Variants in CFHR2 observed in about 807,000 individuals in gnomAD.
The protein encoded by CFHR2 is complement factor H related 2.
Under a neutral mutation model 21.7 loss-of-function variants are expected in CFHR2, and 22 were observed. The ratio of observed to expected loss-of-function variants is 1.01; its 90% CI spans 0.72 to 1.45. CFHR2 has a LOEUF of 1.45. CFHR2 is among the 40% of genes most tolerant of loss of function. CFHR2 has a pLI of 0.00. For missense variants in CFHR2, 294 were observed against 293.3 expected, an observed-to-expected ratio of 1.00 and a Z score of -0.02; for synonymous variants, 98 against 97.4, an observed-to-expected ratio of 1.01 and a Z score of -0.04.
intron 3 of CFHR2, among the ~76,000 whole-genome samples, chr1:196,955,731 C>T (rs888542403): frequency 1.9e-4 from 29 of 151,978 alleles, no homozygotes; most frequent in African/African-American, 3.1e-4. Flanking sequence ...CCTGTAATCT[C>T]GGCTATTTGG....
intron 1 of CFHR2, among the ~76,000 whole-genome samples, chr1:196,948,666 T>A (rs1365910578): frequency 6.6e-6 from 1 of 152,210 alleles, no homozygotes; most frequent in African/African-American, 2.4e-5. Flanking sequence ...GTATTTTTAA[T>A]TGCATTATTT....
At chr1:196,952,651 T>C (rs1652657319) in intron 3 of CFHR2, among the ~76,000 whole-genome samples, 1 of 152,326 alleles carries the variant, frequency 6.6e-6, no homozygotes, top group African/African-American at 2.4e-5. Context: ...TAAGACTTTG[T>C]TAGGCTTTGA....
Position 196,958,793 on chromosome 1 carries a change from C to T in CFHR2, c.614-88C>T, listed in dbSNP as rs1179273677. 5.1e-6 allele frequency: 4 copies of T among 789,792 alleles called. No homozygotes were observed. In the African/African-American group the frequency reaches 7.0e-5, roughly 14 times the overall value. The allele number at this position is 789,792 out of a possible 1,614,324, so 48.9% of individuals were successfully genotyped here. On this transcript the variant is annotated intron_variant, in intron 4 of 4. Coordinates refer to ENST00000367415, the MANE Select transcript of CFHR2 (RefSeq NM_005666.4). ...AGGATTTTGAGAAGTAATTCCTCAA[C>T]CATCATATAACATTCTACTTGAAAA...
chr1:196,949,541 G>A lies in CFHR2; in HGVS notation c.145G>A (p.Glu49Lys), dbSNP rs1420958359. 1.9e-6 allele frequency: 3 copies of A among 1,613,982 alleles called. No individual in the cohort carries two copies. The highest frequency in any genetic ancestry group is 1.1e-5 in the South Asian group (1 of 91,084). Reference protein sequence around the residue: ...YKPFSQVPTGEVFYYSCEYNF... With the variant: ...YKPFSQVPTGKVFYYSCEYNF... ...GCCATTTTCCCAAGTTCCTACAGGG[G>A]AAGTTTTCTATTACTCCTGTGAATA... The change falls in exon 2 of 5, where the codon GAA (glutamate) becomes AAA (lysine). Residue 49 changes from glutamate to lysine, a missense_variant. Transcript: ENST00000367415.
chr1:196,951,368 C>T (rs1340390479), intron 3 of CFHR2, among the ~76,000 whole-genome samples: 4 of 152,030 alleles, frequency 2.6e-5, no homozygotes, highest in African/African-American at 9.7e-5. Context: ...AAAATAAGTC[C>T]AATTCTAGTT....
At chr1:196,951,150 A>T (rs566009778) in intron 3 of CFHR2, 122 bp downstream of exon 3, 1 of 1,203,528 alleles carries the variant, frequency 8.3e-7, no homozygotes, top group East Asian at 2.6e-5. Flanking sequence ...ATCATTATTC[A>T]TTTGATTCTC....
intron 3 of CFHR2, among the ~76,000 whole-genome samples, chr1:196,953,982 A>C (rs981858227): frequency 1.3e-5 from 2 of 152,258 alleles, no homozygotes; most frequent in Non-Finnish European, 2.9e-5. Context: ...ATTCATATAC[A>C]TAACTATTTC....
At chr1:196,953,604 A>G (rs1217632791) in intron 3 of CFHR2, among the ~76,000 whole-genome samples, 3 of 152,190 alleles carry the variant, frequency 2.0e-5, no homozygotes, top group Admixed American at 6.5e-5. Flanking sequence ...TTTCAATGGC[A>G]TTTTGTTTTT....
rs1208547699 is a variant in CFHR2, at chr1:196,950,883, T to G, written c.285T>G (p.Gly95=). 8 of 1,613,706 alleles carry G rather than the reference T, an allele frequency of 5.0e-6. No individual in the cohort carries two copies. Among genetic ancestry groups the G allele is most frequent in the Non-Finnish European group, 6.8e-6 (8 of 1,179,914 alleles). The change falls in exon 3 of 5, where the codon GGT becomes GGG. Residue 95 remains glycine, a synonymous_variant. Coordinates refer to ENST00000367415, the MANE Select transcript of CFHR2 (RefSeq NM_005666.4). ...GTTTCTTTCCTTTTGTGGAAAATGG[T>G]CATTCTGAATCTTCAGGACAAACAC... ...RLCFFPFVEN[G]HSESSGQTHL...
intron 1 of CFHR2, among the ~76,000 whole-genome samples, chr1:196,949,238 T>C (rs1255284635): frequency 2.6e-5 from 4 of 152,214 alleles, no homozygotes; most frequent in Non-Finnish European, 5.9e-5. Context: ...CTCCAAAATA[T>C]AGATTTTATA....
chr1:196,948,539 G>A (rs1659604522), intron 1 of CFHR2, among the ~76,000 whole-genome samples: 1 of 152,080 alleles, frequency 6.6e-6, no homozygotes, highest in Admixed American at 6.6e-5. Flanking sequence ...GCCTCCCAAA[G>A]TGCTGGGATT....
chr1:196,956,700 A>G (rs1652895710), intron 3 of CFHR2, among the ~76,000 whole-genome samples: 1 of 151,930 alleles, frequency 6.6e-6, no homozygotes, highest in African/African-American at 2.4e-5. Flanking sequence ...TTCCTATTGG[A>G]TTTTTTAAAG....
At chr1:196,950,782 A>C in intron 2 of CFHR2, 70 bp from the exon 3 acceptor site, 1 of 1,553,008 alleles carries the variant, frequency 6.4e-7, no homozygotes, top group Non-Finnish European at 8.9e-7. Context: ...TTATTAAAAT[A>C]TTTTAAAATG....
At chr1:196,956,693 C>T (rs1652895116) in intron 3 of CFHR2, among the ~76,000 whole-genome samples, 2 of 151,900 alleles carry the variant, frequency 1.3e-5, no homozygotes, top group Non-Finnish European at 2.9e-5. Context: ...TTTATAATTC[C>T]TATTGGATTT....
Position 196,953,243 on chromosome 1 carries a change from A to ATTATTTAT in CFHR2, c.430+2239_430+2246dup, listed in dbSNP as rs138646935. 8.9e-3 allele frequency among the ~76,000 whole-genome samples: 1,338 copies of ATTATTTAT among 150,226 alleles called. 15 individuals carry two copies. The highest frequency in any genetic ancestry group is 0.02 in the East Asian group (100 of 5,002). The stretch of plus-strand genomic sequence containing the variant: ...GCTGGGAAACCCTACATCAGCCAAG[A>ATTATTTAT]TTATTTATTTATTTATTTATTTATT... On this transcript the variant is annotated intron_variant, in intron 3 of 4. Coordinates refer to ENST00000367415, the MANE Select transcript of CFHR2 (RefSeq NM_005666.4).
chr1:196,949,472 C>G lies in CFHR2; in HGVS notation c.76C>G (p.Pro26Ala). 1 of 1,612,794 alleles carries G rather than the reference C, an allele frequency of 6.2e-7. No individual in the cohort carries two copies. The highest frequency in any genetic ancestry group is 1.7e-4 in the Middle Eastern group (1 of 6,058). The change falls in exon 2 of 5, where the codon CCA becomes GCA. Residue 26 changes from proline to alanine, a missense_variant. Transcript: ENST00000367415. ...TTTCCCAGCAATGTTCTGTGATTTT[C>G]CAAAAATAAACCATGGAATTCTATA... Reference protein sequence around the residue: ...VGGEAMFCDFPKINHGILYDE... With the variant: ...VGGEAMFCDFAKINHGILYDE...
Position 196,959,233 on chromosome 1 carries a change from A to T in CFHR2, c.*153A>T. 1.6e-6 allele frequency: 1 copy of T among 606,954 alleles called. No homozygotes were observed. Among genetic ancestry groups the T allele is most frequent in the South Asian group, 2.2e-5 (1 of 44,752 alleles). The allele number at this position is 606,954 out of a possible 1,614,324, so 37.6% of individuals were successfully genotyped here. On this transcript the variant is annotated 3_prime_UTR_variant, in exon 5 of 5. Coordinates refer to ENST00000367415, the MANE Select transcript of CFHR2 (RefSeq NM_005666.4). The stretch of plus-strand genomic sequence containing the variant: ...TGTGAAAATGCAATTACAATCTGAG[A>T]TGTGTCACAATGGTGAGGACTATCT...
chr1:196,951,865 C>T (rs1558269591), intron 3 of CFHR2, among the ~76,000 whole-genome samples: 1 of 152,106 alleles, frequency 6.6e-6, no homozygotes, highest in Non-Finnish European at 1.5e-5. Context: ...AAAGGCCTGT[C>T]AGCAAACAGA....
intron 3 of CFHR2, among the ~76,000 whole-genome samples, chr1:196,951,789 A>G (rs1316058998): frequency 6.6e-6 from 1 of 152,120 alleles, no homozygotes; most frequent in African/African-American, 2.4e-5. Flanking sequence ...GACTGACATT[A>G]TTAGTCTCAA....
Sources: allele counts gnomAD v4.1 joint callset (sites outside exome capture counted in the v4.1 genomes callset), GRCh38; gene constraint gnomAD v4.1.1; transcripts MANE v1.5; gene names NCBI Gene and HGNC (gene_info 2026-07-23, HGNC 2026-07-21).